HS6ST3: variants seen among roughly 807,000 people sequenced by gnomAD.
HS6ST3 encodes the protein heparan-sulfate 6-O-sulfotransferase 3.
Under a neutral mutation model 36.7 loss-of-function variants are expected in HS6ST3, and 12 were observed. That is an observed-to-expected ratio of 0.33 (90% CI 0.21 to 0.53). HS6ST3 has a LOEUF of 0.53. HS6ST3 is among the 20% of genes least tolerant of loss of function. HS6ST3 has a pLI of 0.95. For synonymous variants in HS6ST3, 240 were observed against 257.5 expected, an observed-to-expected ratio of 0.93 and a Z score of 0.65; for missense variants, 584 against 640.9, an observed-to-expected ratio of 0.91 and a Z score of 0.96.
At chr13:96,733,468 C>G (rs541773100) in intron 1 of HS6ST3, among the ~76,000 whole-genome samples, 1 of 152,116 alleles carries the variant, frequency 6.6e-6, no homozygotes, top group African/African-American at 2.4e-5. Context: ...TAGCCATGTT[C>G]TCCAGTCATT....
chr13:96,329,561 C>T (rs1012396337), intron 1 of HS6ST3, among the ~76,000 whole-genome samples: 2 of 141,702 alleles, frequency 1.4e-5, no homozygotes, highest in Non-Finnish European at 3.1e-5. Flanking sequence ...TTGTTATAAT[C>T]TCTGTTCTTT....
At position 96,839,057 on chromosome 13, in the gene HS6ST3, T is replaced by C. The variant is rs911270784; in HGVS notation, c.*5859T>C. On this transcript the variant is annotated 3_prime_UTR_variant, in exon 2 of 2. Coordinates refer to ENST00000376705, the MANE Select transcript of HS6ST3 (RefSeq NM_153456.4). ...TGGAACCTGTGTGAGCTACATGTTC[T>C]GCTGCATTATGGGAACTCATCAAAG... The C allele has an allele frequency of 6.6e-6, 1 of 152,250 alleles. No individual in the cohort carries two copies. The highest frequency in any genetic ancestry group is 2.4e-5 in the African/African-American group (1 of 41,470). 9.4% of individuals were successfully genotyped at this position (152,250 alleles called of 1,614,324 possible). A position where few individuals can be genotyped will look rare whatever the true frequency, so the allele number is the denominator to read the frequency against.
intron 1 of HS6ST3, among the ~76,000 whole-genome samples, chr13:96,537,186 C>T (rs1036870556): frequency 3.9e-5 from 6 of 152,078 alleles, no homozygotes; most frequent in African/African-American, 7.2e-5. Flanking sequence ...GCTTATCTTA[C>T]GTGGAAGCAG....
At chr13:96,173,906 G>A (rs763395059) in intron 1 of HS6ST3, among the ~76,000 whole-genome samples, 5 of 151,952 alleles carry the variant, frequency 3.3e-5, no homozygotes, top group Admixed American at 2.6e-4. Flanking sequence ...AGAGAGTGAT[G>A]GACAGAAGGA....
intron 1 of HS6ST3, among the ~76,000 whole-genome samples, chr13:96,829,480 G>C (rs1304792264): frequency 6.6e-6 from 1 of 151,708 alleles, no homozygotes; most frequent in African/African-American, 2.4e-5. Context: ...CTCCCTCCTC[G>C]CACCCCCCAA....
Position 96,185,092 on chromosome 13 carries a change from C to T in HS6ST3, c.707+93523C>T, listed in dbSNP as rs574658483. Among the ~76,000 whole-genome samples the T allele has an allele frequency of 3.3e-5, 5 of 152,152 alleles. No individual in the cohort carries two copies. The East Asian group carries it at 9.7e-4, about 29-fold the overall frequency. The stretch of plus-strand genomic sequence containing the variant: ...AGAAATTGTGTATTTGTAGTTTGTT[C>T]CAAAGGTATTTAAAATATATGATCT... On this transcript the variant is annotated intron_variant, in intron 1 of 1. Transcript: ENST00000376705.
At chr13:96,247,602 C>A (rs1352095495) in intron 1 of HS6ST3, among the ~76,000 whole-genome samples, 1 of 152,110 alleles carries the variant, frequency 6.6e-6, no homozygotes, top group Non-Finnish European at 1.5e-5. Context: ...AAGCTTCTTT[C>A]CTTTATAAAT....
intron 1 of HS6ST3, among the ~76,000 whole-genome samples, chr13:96,349,099 G>GA (rs1370681671): frequency 6.6e-6 from 1 of 152,146 alleles, no homozygotes; most frequent in African/African-American, 2.4e-5. Flanking sequence ...CTCAATGAAA[G>GA]ATTTGATTTC....
chr13:96,814,531 A>G (rs1390088724), intron 1 of HS6ST3, among the ~76,000 whole-genome samples: 1 of 152,042 alleles, frequency 6.6e-6, no homozygotes, highest in Non-Finnish European at 1.5e-5. Context: ...GGCCTTTTCA[A>G]TTTCAATGCA....
At chr13:96,684,759 T>C (rs1160905128) in intron 1 of HS6ST3, among the ~76,000 whole-genome samples, 1 of 151,978 alleles carries the variant, frequency 6.6e-6, no homozygotes. Context: ...TGACATAAAA[T>C]ATACAGCTAA....
At chr13:96,576,288 G>C (rs1007270337) in intron 1 of HS6ST3, among the ~76,000 whole-genome samples, 5 of 142,010 alleles carry the variant, frequency 3.5e-5, no homozygotes, top group Non-Finnish European at 1.6e-5. Context: ...CTGGGTTCCC[G>C]CAGCCTGCCA....
intron 1 of HS6ST3, among the ~76,000 whole-genome samples, chr13:96,801,944 A>G (rs1449814878): frequency 1.3e-5 from 2 of 152,040 alleles, no homozygotes; most frequent in Admixed American, 1.3e-4. Flanking sequence ...GAATGTAAGG[A>G]CTCAGGTTCT....
At chr13:96,672,376 C>G (rs2056685479) in intron 1 of HS6ST3, among the ~76,000 whole-genome samples, 1 of 152,096 alleles carries the variant, frequency 6.6e-6, no homozygotes, top group African/African-American at 2.4e-5. Flanking sequence ...AATTCATCCC[C>G]AAACATTCTC....
chr13:96,618,947 C>T (rs1051838923), intron 1 of HS6ST3, among the ~76,000 whole-genome samples: 1 of 151,864 alleles, frequency 6.6e-6, no homozygotes, highest in Admixed American at 6.6e-5. Flanking sequence ...GCAAAGATTC[C>T]AGCCTTTTCA....
intron 1 of HS6ST3, among the ~76,000 whole-genome samples, chr13:96,425,088 C>T (rs1460111811): frequency 6.6e-6 from 1 of 152,140 alleles, no homozygotes; most frequent in African/African-American, 2.4e-5. Flanking sequence ...GAGAGACTAC[C>T]TACCTGGGTG....
At chr13:96,115,896 C>T (rs943041332) in intron 1 of HS6ST3, among the ~76,000 whole-genome samples, 9 of 152,158 alleles carry the variant, frequency 5.9e-5, no homozygotes, top group Admixed American at 1.3e-4. Flanking sequence ...TCCACATCCT[C>T]GCCAGCATCA....
At chr13:96,829,181 G>A (rs532303129) in intron 1 of HS6ST3, among the ~76,000 whole-genome samples, 2 of 152,178 alleles carry the variant, frequency 1.3e-5, no homozygotes, top group African/African-American at 4.8e-5. Flanking sequence ...AATTTTCAGA[G>A]TGTGGTGGCA....
chr13:96,720,027 C>G (rs1304030397), intron 1 of HS6ST3, among the ~76,000 whole-genome samples: 2 of 152,122 alleles, frequency 1.3e-5, no homozygotes, highest in African/African-American at 4.8e-5. Context: ...TCATGGGGCT[C>G]CAGACACCAA....
chr13:96,315,188 T>G (rs2139411199), intron 1 of HS6ST3, among the ~76,000 whole-genome samples: 1 of 152,304 alleles, frequency 6.6e-6, no homozygotes, highest in Middle Eastern at 3.4e-3. Flanking sequence ...GGATTTAGAT[T>G]AATTATTCTT....
Sources: gnomAD v4.1 joint callset for allele counts (sites outside exome capture counted in the v4.1 genomes callset) on GRCh38, gnomAD v4.1.1 for gene constraint, MANE v1.5 for transcripts, NCBI Gene and HGNC (gene_info 2026-07-23, HGNC 2026-07-21) for gene names.